BPIFA3: variants seen among roughly 807,000 people sequenced by gnomAD.
BPIFA3 encodes BPI fold-containing family A member 3.
In BPIFA3, 32 loss-of-function variants were observed where a neutral mutation model predicts 29.7. The observed-to-expected ratio is 1.08, with a 90% CI of 0.81 to 1.45. The LOEUF is 1.45. BPIFA3 is among the 40% of genes most tolerant of loss of function. BPIFA3 has a pLI of 0.00. For synonymous variants in BPIFA3, 112 were observed against 113.7 expected (o/e 0.98, Z 0.10); for missense variants, 323 against 311.3 (o/e 1.04, Z -0.28).
chr20:33,223,213 C>A (rs903164866), intron 1 of BPIFA3, among the ~76,000 whole-genome samples: 24 of 152,186 alleles, frequency 1.6e-4, no homozygotes, highest in African/African-American at 5.5e-4. Context: ...AGTGTGGGAA[C>A]TGATCTCAGG....
chr20:33,222,897 A>C (rs6059167), intron 1 of BPIFA3, among the ~76,000 whole-genome samples: 19,905 of 152,156 alleles, frequency 0.13, 4,334 homozygotes, highest in African/African-American at 0.45. Flanking sequence ...ACCCTCAGTG[A>C]CCAGCTTGGG....
chr20:33,225,908 C>G (rs995895389), intron 4 of BPIFA3: 1 of 163,378 alleles, frequency 6.1e-6, no homozygotes, highest in East Asian at 1.9e-4. Context: ...TGTATGCCAG[C>G]ACCACACCTG....
chr20:33,219,903 C>G (rs1985428857), intron 1 of BPIFA3, among the ~76,000 whole-genome samples: 1 of 151,850 alleles, frequency 6.6e-6, no homozygotes, highest in Admixed American at 6.6e-5. Context: ...CAAGACCAGC[C>G]TGGGCAGCAT....
At position 33,225,095 on chromosome 20, in the gene BPIFA3, CA is replaced by C. The variant is rs1248986213; in HGVS notation, c.387-2del. 2.1e-5 allele frequency: 34 copies of C among 1,613,646 alleles called. 1 individual carries two copies. The highest frequency in any genetic ancestry group is 2.9e-5 in the Non-Finnish European group (34 of 1,179,704). ...CTTCCTCCTCTTCCTCTCTCATCTG[CA>C]GGTCCTTCGATAACAACATCGTAAA... is the stretch of plus-strand genomic sequence containing the variant. On this transcript the variant is annotated splice_acceptor_variant, in intron 3 of 6. Coordinates refer to ENST00000375454, the MANE Select transcript of BPIFA3 (RefSeq NM_178466.5). LOFTEE classifies it high-confidence loss of function.
chr20:33,221,885 G>A (rs1463690303), intron 1 of BPIFA3, among the ~76,000 whole-genome samples: 1 of 152,206 alleles, frequency 6.6e-6, no homozygotes, highest in African/African-American at 2.4e-5. Context: ...CAGTTAGAAT[G>A]TTAGTTCACG....
intron 1 of BPIFA3, among the ~76,000 whole-genome samples, chr20:33,222,304 T>C (rs769050383): frequency 1.3e-5 from 2 of 152,216 alleles, no homozygotes; most frequent in Non-Finnish European, 2.9e-5. Context: ...ATTGGCGCTA[T>C]AGGCTGTCTT....
Position 33,217,540 on chromosome 20 carries a change from A to T in BPIFA3, c.4A>T (p.Met2Leu), listed in dbSNP as rs1018582817. Reference sequence around the variant, plus strand: ...ACATCTGCAGGTCCCAGACCCTATGATGTGTCCACTCTGGAGGCTCCTCAT... The same window carrying T: ...ACATCTGCAGGTCCCAGACCCTATGTTGTGTCCACTCTGGAGGCTCCTCAT... Reference protein sequence around the residue: MMCPLWRLLIFL... With the variant: MLCPLWRLLIFL... Residue 2 changes from methionine (M) to leucine (L), a missense_variant, in exon 1 of 7, where the codon ATG becomes TTG. Physicochemically the swap from Met to Leu is conservative, Grantham distance 15. Transcript: ENST00000375454. The T allele has an allele frequency of 3.1e-6, 5 of 1,613,936 alleles. No homozygotes were observed. In the Admixed American group the frequency reaches 5.0e-5, roughly 16 times the overall value.
intron 6 of BPIFA3, among the ~76,000 whole-genome samples, 154 bp downstream of exon 6, chr20:33,227,147 C>T (rs1985823568): frequency 6.6e-6 from 1 of 152,172 alleles, no homozygotes; most frequent in South Asian, 2.1e-4. Flanking sequence ...GATGACCACA[C>T]TGTCCCCCAA....
intron 6 of BPIFA3, 85 bp downstream of exon 6, chr20:33,227,078 A>G (rs1046664706): frequency 8.5e-7 from 1 of 1,182,616 alleles, no homozygotes; most frequent in Non-Finnish European, 1.3e-6. Context: ...GCCCCCAGGG[A>G]GGCCTGCTAA....
chr20:33,227,740 ACTCTAG>A lies in BPIFA3; in HGVS notation c.*128_*133del. 2.6e-6 allele frequency: 2 copies of A among 778,758 alleles called. No homozygotes were observed. Among genetic ancestry groups the A allele is most frequent in the Non-Finnish European group, 4.2e-6 (2 of 473,648 alleles). 48.2% of individuals were successfully genotyped at this position (778,758 alleles called of 1,614,324 possible). ...GACATACCATCCTCTCCTACAATAA[ACTCTAG>A]CTCTGAAGGGTGCACAGGTCCCTCC... is the stretch of plus-strand genomic sequence containing the variant. On this transcript the variant is annotated 3_prime_UTR_variant, in exon 7 of 7. Transcript: ENST00000375454.
chr20:33,225,353 A>C, intron 4 of BPIFA3, 106 bp downstream of exon 4: 1,561 of 1,472,070 alleles, frequency 1.1e-3, no homozygotes, highest in Non-Finnish European at 1.3e-3. Flanking sequence ...AGCAGATCTC[A>C]TCCTTCCCCC....
chr20:33,224,233 T>A (rs1268738092), intron 2 of BPIFA3, 122 bp from the exon 3 acceptor site: 3 of 883,034 alleles, frequency 3.4e-6, no homozygotes. Context: ...TGTAAAAGAA[T>A]CACAGTCCAA....
Position 33,227,603 on chromosome 20 carries a change from G to A in BPIFA3, c.751G>A (p.Glu251Lys). The change falls in exon 7 of 7, where the codon GAG becomes AAG. Residue 251 changes from glutamate to lysine, a missense_variant. Glu to Lys is a moderately conservative substitution (Grantham distance 56, BLOSUM62 1). Transcript: ENST00000375454. ...TSQPSACQAG[E>K]SPS Reference sequence around the variant, plus strand: ...CCAACCCTCTGCATGCCAGGCTGGAGAGTCCCCCAGCTGACTTCTGCTGAT... The same window carrying A: ...CCAACCCTCTGCATGCCAGGCTGGAAAGTCCCCCAGCTGACTTCTGCTGAT... 6.2e-7 allele frequency: 1 copy of A among 1,613,974 alleles called. No individual in the cohort carries two copies. The highest frequency in any genetic ancestry group is 8.5e-7 in the Non-Finnish European group (1 of 1,179,910).
At position 33,217,631 on chromosome 20, in the gene BPIFA3, C is replaced by A; in HGVS notation, c.95C>A (p.Ala32Asp). The change falls in exon 1 of 7, where the codon GCC (alanine) becomes GAC (aspartate). Residue 32 changes from alanine (A) to aspartate (D), a missense_variant. Coordinates refer to ENST00000375454, the MANE Select transcript of BPIFA3 (RefSeq NM_178466.5). ...CAGCCTTGGCCTGGCCTGGCCCAAG[C>A]CCACAGAGACAACAAATCCACCCTG... Reference protein sequence around the residue: ...HKQPWPGLAQAHRDNKSTLAR... With the variant: ...HKQPWPGLAQDHRDNKSTLAR... 5.0e-6 allele frequency: 8 copies of A among 1,613,958 alleles called. No homozygotes were observed. The highest frequency in any genetic ancestry group is 6.8e-6 in the Non-Finnish European group (8 of 1,179,958).
At position 33,223,823 on chromosome 20, in the gene BPIFA3, G is replaced by T; in HGVS notation, c.140G>T (p.Gly47Val). The change falls in exon 2 of 7, where the codon GGC (glycine) becomes GTC (valine). Residue 47 changes from glycine (G) to valine (V), a missense_variant. Gly to Val is a moderately radical substitution (Grantham distance 109). Transcript: ENST00000375454. ...KSTLARIIAQGLIKHNAESRI... is the reference protein window; with the variant it reads ...KSTLARIIAQVLIKHNAESRI... Reference sequence around the variant, plus strand: ...TGTGCATTTCCAGTTATTGCTCAGGGCCTCATAAAGCACAACGCAGAAAGC... The same window carrying T: ...TGTGCATTTCCAGTTATTGCTCAGGTCCTCATAAAGCACAACGCAGAAAGC... 6.2e-7 allele frequency: 1 copy of T among 1,613,616 alleles called. No homozygotes were observed. Among genetic ancestry groups the T allele is most frequent in the Non-Finnish European group, 8.5e-7 (1 of 1,179,568 alleles).
At position 33,220,396 on chromosome 20, in the gene BPIFA3, TA is replaced by T. The variant is rs879519642; in HGVS notation, c.127+2745del. ...CTGGGGGACAGAGCAAGACTCCATC[TA>T]AAAAAAAAAAATAAGGCTGGAAATT... is the stretch of plus-strand genomic sequence containing the variant. On this transcript the variant is annotated intron_variant, in intron 1 of 6. Transcript: ENST00000375454. Among the ~76,000 whole-genome samples, 445 of 144,366 alleles carry T rather than the reference TA, an allele frequency of 3.1e-3. 1 individual carries two copies. Among genetic ancestry groups the T allele is most frequent in the Non-Finnish European group, 3.6e-3 (236 of 65,398 alleles). The allele number at this position is 144,366 out of a possible 152,430, so 94.7% of individuals were successfully genotyped here.
At chr20:33,226,626 T>C (rs1350686854) in intron 5 of BPIFA3, 136 bp downstream of exon 5, 2 of 742,116 alleles carry the variant, frequency 2.7e-6, no homozygotes, top group Non-Finnish European at 2.2e-6. Context: ...AATTTCAGTT[T>C]GGCCATGAGT....
rs1280619400 is a variant in BPIFA3, at chr20:33,226,436, C to G, written c.567C>G (p.Leu189=). 1 of 1,613,118 alleles carries G rather than the reference C, an allele frequency of 6.2e-7. No homozygotes were observed. The highest frequency in any genetic ancestry group is 8.5e-7 in the Non-Finnish European group (1 of 1,179,504). The part of the protein sequence containing the change: ...EAIPPKMNQF[L]YNLKENLQKV... The stretch of plus-strand genomic sequence containing the variant: ...TCCCACCAAAGATGAATCAGTTTCT[C>G]TACAACCTCAAAGAGAATCTGCAAA... Residue 189 remains leucine (L), a synonymous_variant, in exon 5 of 7, where the codon CTC becomes CTG. Coordinates refer to ENST00000375454, the MANE Select transcript of BPIFA3 (RefSeq NM_178466.5).
At chr20:33,226,093 G>A (rs1463869545) in intron 4 of BPIFA3, 1 of 259,544 alleles carries the variant, frequency 3.9e-6, no homozygotes, top group Non-Finnish European at 7.2e-6. Context: ...CTCAGTGGAT[G>A]TCTGTTCATT....
Sources: allele counts gnomAD v4.1 joint callset (sites outside exome capture counted in the v4.1 genomes callset), GRCh38; gene constraint gnomAD v4.1.1; transcripts MANE v1.5; gene names NCBI Gene and HGNC (gene_info 2026-07-23, HGNC 2026-07-21).